Variants in SYT6 observed in about 807,000 individuals in gnomAD.
SYT6 encodes synaptotagmin-6.
Under a neutral mutation model 38.4 loss-of-function variants are expected in SYT6, and 24 were observed. The ratio of observed to expected loss-of-function variants is 0.62; its 90% confidence interval spans 0.45 to 0.88. SYT6 has a LOEUF of 0.88. SYT6 is among the 40% of genes least tolerant of loss of function. SYT6 has a pLI of 0.00. For synonymous variants in SYT6, 265 were observed against 241.9 expected (o/e 1.10, Z -0.89); for missense variants, 611 against 621.0 (o/e 0.98, Z 0.17).
chr1:114,115,067 C>A lies in SYT6; in HGVS notation c.1072-11346G>T, dbSNP rs1025983633. On this transcript the variant is annotated intron_variant, in intron 3 of 7. Transcript: ENST00000610222. ...ACAGTGTTTCAAAGATATCTGACAC[C>A]ACTCTGTAAATATTCCTTATTGCCA... 2.0e-5 allele frequency among the ~76,000 whole-genome samples: 3 copies of A among 152,178 alleles called. No individual in the cohort carries two copies. In the East Asian group the frequency reaches 5.8e-4, roughly 29 times the overall value.
intron 3 of SYT6, among the ~76,000 whole-genome samples, chr1:114,107,137 G>C (rs1000044549): frequency 6.6e-6 from 1 of 152,204 alleles, no homozygotes; most frequent in African/African-American, 2.4e-5. Flanking sequence ...GGAGTTGCCT[G>C]CGCTTTCACA....
At chr1:114,102,994 C>T (rs907520837) in intron 4 of SYT6, among the ~76,000 whole-genome samples, 14 of 152,208 alleles carry the variant, frequency 9.2e-5, no homozygotes, top group Admixed American at 2.0e-4. Flanking sequence ...TTTCCTCTGT[C>T]GCTAGAATAA....
rs115249660 is a variant in SYT6, at chr1:114,109,743, A to T, written c.1072-6022T>A. Among the ~76,000 whole-genome samples the T allele has an allele frequency of 1.0e-3, 157 of 152,284 alleles. 4 individuals carry two copies. The highest frequency in any genetic ancestry group is 3.4e-3 in the Middle Eastern group (1 of 294). On this transcript the variant is annotated intron_variant, in intron 3 of 7. Transcript: ENST00000610222. ...TAGTACTGTTTGGTTTGGTCGGTGC[A>T]GTAATAGAGGTGTGGACAAGACGTG...
chr1:114,116,490 G>T (rs1209208483), intron 3 of SYT6, among the ~76,000 whole-genome samples: 2 of 152,212 alleles, frequency 1.3e-5, no homozygotes, highest in Non-Finnish European at 2.9e-5. Context: ...TCCTGTAAAG[G>T]TGTAGTTATA....
Position 114,136,032 on chromosome 1 carries a change from G to A in SYT6, c.1071+1463C>T, listed in dbSNP as rs11802537. On this transcript the variant is annotated intron_variant, in intron 3 of 7. Transcript: ENST00000610222. ...CGCCCCGTCTGCCTGCTGGCCAGCCGGCTACTTATGTTCTTCTTAGGGATG... is the reference window on the plus strand; with the variant it reads ...CGCCCCGTCTGCCTGCTGGCCAGCCAGCTACTTATGTTCTTCTTAGGGATG... Among the ~76,000 whole-genome samples, 1,348 of 152,260 alleles carry A rather than the reference G, an allele frequency of 8.9e-3. 26 individuals are homozygous for A. The highest frequency in any genetic ancestry group is 0.03 in the African/African-American group (1,254 of 41,540).
chr1:114,118,303 G>A (rs1442653386), intron 3 of SYT6, among the ~76,000 whole-genome samples: 1 of 152,220 alleles, frequency 6.6e-6, no homozygotes, highest in East Asian at 1.9e-4. Context: ...GCCAGCTAAT[G>A]TCTCTCATTG....
intron 3 of SYT6, among the ~76,000 whole-genome samples, chr1:114,130,917 G>A (rs1195196824): frequency 6.6e-6 from 1 of 152,214 alleles, no homozygotes. Context: ...ACCCCCGGGT[G>A]ATTTAATGAG....
In SYT6 at chr1:114,134,159, G is replaced by T. The variant is rs17032427; in HGVS notation, c.1071+3336C>A. Among the ~76,000 whole-genome samples the T allele has an allele frequency of 5.3e-3, 811 of 152,266 alleles. 7 individuals carry two copies. The highest frequency in any genetic ancestry group is 0.018 in the African/African-American group (755 of 41,550). On this transcript the variant is annotated intron_variant, in intron 3 of 7. Transcript: ENST00000610222. ...TCAGCATGCGGGTCACAGGCTCTCT[G>T]CTTTGGTCCAGACTACCTGATCGGG...
intron 3 of SYT6, among the ~76,000 whole-genome samples, chr1:114,130,855 ACT>A (rs1215165478): frequency 1.3e-5 from 2 of 152,182 alleles, no homozygotes; most frequent in Non-Finnish European, 2.9e-5. Flanking sequence ...CAAGATGGAC[ACT>A]TCGAAGGCGT....
chr1:114,111,241 G>C (rs1676656567), intron 3 of SYT6, among the ~76,000 whole-genome samples: 1 of 152,162 alleles, frequency 6.6e-6, no homozygotes, highest in Non-Finnish European at 1.5e-5. Flanking sequence ...TTTACTATGT[G>C]CTGTCCTGCC....
chr1:114,091,936 C>T lies in SYT6; in HGVS notation c.*198G>A. The T allele has an allele frequency of 6.8e-7, 1 of 1,478,590 alleles. No individual in the cohort carries two copies. Among genetic ancestry groups the T allele is most frequent in the Non-Finnish European group, 9.1e-7 (1 of 1,096,014 alleles). 91.6% of individuals were successfully genotyped at this position (1,478,590 alleles called of 1,614,324 possible). ...CGCTGCTGCCGCCACTGCGACTGCACAACACTGTTTAGACGGTTGAACAAG... is the reference window on the plus strand; with the variant it reads ...CGCTGCTGCCGCCACTGCGACTGCATAACACTGTTTAGACGGTTGAACAAG... On this transcript the variant is annotated 3_prime_UTR_variant, in exon 8 of 8. Transcript: ENST00000610222.
chr1:114,094,077 G>A (rs1361944928), intron 6 of SYT6, among the ~76,000 whole-genome samples: 2 of 152,190 alleles, frequency 1.3e-5, no homozygotes, highest in African/African-American at 2.4e-5. Context: ...ACTACACAGA[G>A]TGTCTTTCTT....
At chr1:114,117,279 A>G (rs967592935) in intron 3 of SYT6, among the ~76,000 whole-genome samples, 1 of 152,202 alleles carries the variant, frequency 6.6e-6, no homozygotes, top group African/African-American at 2.4e-5. Flanking sequence ...CCACGGGGAG[A>G]GCACGGCCAG....
At chr1:114,125,499 T>A (rs1271821619) in intron 3 of SYT6, among the ~76,000 whole-genome samples, 1 of 151,770 alleles carries the variant, frequency 6.6e-6, no homozygotes, top group Non-Finnish European at 1.5e-5. Flanking sequence ...AATGAGTAGG[T>A]GTCAATTCAG....
chr1:114,123,141 T>G (rs977595777), intron 3 of SYT6, among the ~76,000 whole-genome samples: 3 of 152,220 alleles, frequency 2.0e-5, no homozygotes, highest in African/African-American at 7.2e-5. Flanking sequence ...CACAGGGCCC[T>G]GCAGGAGTGA....
intron 3 of SYT6, among the ~76,000 whole-genome samples, chr1:114,125,355 T>TCTCTA (rs10677423): frequency 0.26 from 39,889 of 151,918 alleles, 5,348 homozygotes; most frequent in African/African-American, 0.28. Context: ...AGGGGCTGTC[T>TCTCTA]CTCTAATTCC....
chr1:114,113,219 T>C (rs568401268), intron 3 of SYT6, among the ~76,000 whole-genome samples: 114 of 152,220 alleles, frequency 7.5e-4, no homozygotes, highest in Non-Finnish European at 1.4e-3. Flanking sequence ...TTTCACAGAG[T>C]TGACTGCCCT....
chr1:114,121,572 T>C (rs2101041255), intron 3 of SYT6, among the ~76,000 whole-genome samples: 1 of 152,334 alleles, frequency 6.6e-6, no homozygotes, highest in Middle Eastern at 3.4e-3. Context: ...TTTTGTGGCT[T>C]TCTGTATTTT....
chr1:114,133,957 C>T, intron 3 of SYT6, among the ~76,000 whole-genome samples: 1 of 152,034 alleles, frequency 6.6e-6, no homozygotes, highest in Middle Eastern at 3.2e-3. Flanking sequence ...GGCTTTGGTA[C>T]TTCAAGTCAA....
Sources: gnomAD v4.1 joint callset for allele counts (sites outside exome capture counted in the v4.1 genomes callset) on GRCh38, gnomAD v4.1.1 for gene constraint, MANE v1.5 for transcripts, NCBI Gene and HGNC (gene_info 2026-07-23, HGNC 2026-07-21) for gene names.